TRAPPC10: variants seen among roughly 807,000 people sequenced by gnomAD.
The protein encoded by TRAPPC10 is TRAPP 130 kDa subunit.
In TRAPPC10, 23 loss-of-function variants were observed where a neutral mutation model predicts 125.5. That is an observed-to-expected ratio of 0.18 (90% CI 0.13 to 0.26). TRAPPC10 has a LOEUF of 0.26. Among genes scored for constraint, TRAPPC10 ranks in the 10% least tolerant of loss-of-function variants. The pLI, the probability that TRAPPC10 is intolerant of heterozygous loss-of-function variation, is 1.00. For missense variants in TRAPPC10, 1,123 were observed against 1,308.4 expected, an observed-to-expected ratio of 0.86 and a Z score of 2.19; for synonymous variants, 509 against 518.0, an observed-to-expected ratio of 0.98 and a Z score of 0.24.
At chr21:44,055,640 G>A in intron 4 of TRAPPC10, 58 bp from the exon 5 acceptor site, 2 of 1,345,534 alleles carry the variant, frequency 1.5e-6, no homozygotes, top group Non-Finnish European at 2.0e-6. Flanking sequence ...GGCAGCTGCT[G>A]AGTCGTGGTG....
intron 20 of TRAPPC10, among the ~76,000 whole-genome samples, chr21:44,094,448 G>A (rs1733786237): frequency 1.3e-5 from 2 of 152,118 alleles, no homozygotes; most frequent in African/African-American, 4.8e-5. Flanking sequence ...CCACACTCCT[G>A]GGGGCATCTC....
intron 7 of TRAPPC10, among the ~76,000 whole-genome samples, chr21:44,070,493 C>T (rs182890543): frequency 3.2e-4 from 48 of 152,294 alleles, no homozygotes; most frequent in Non-Finnish European, 3.4e-4. Context: ...GTCTCAGGCT[C>T]TCAGGGCAGA....
intron 15 of TRAPPC10, among the ~76,000 whole-genome samples, chr21:44,086,350 C>G (rs967674426): frequency 6.6e-6 from 1 of 152,234 alleles, no homozygotes; most frequent in African/African-American, 2.4e-5. Context: ...GCTGACTGTT[C>G]TTAACCCAAA....
At chr21:44,060,415 G>A (rs2035948401) in intron 6 of TRAPPC10, among the ~76,000 whole-genome samples, 2 of 151,566 alleles carry the variant, frequency 1.3e-5, no homozygotes, top group Admixed American at 1.3e-4. Flanking sequence ...AGTGGGACTG[G>A]GACTACAGGC....
At chr21:44,022,160 G>A (rs2032580015) in intron 1 of TRAPPC10, among the ~76,000 whole-genome samples, 1 of 151,374 alleles carries the variant, frequency 6.6e-6, no homozygotes, top group Non-Finnish European at 1.5e-5. Context: ...CCAAGCTGGA[G>A]TGCAGTGGCA....
intron 1 of TRAPPC10, among the ~76,000 whole-genome samples, chr21:44,019,349 C>A (rs1601548082): frequency 6.6e-6 from 1 of 152,246 alleles, no homozygotes; most frequent in African/African-American, 2.4e-5. Context: ...TGTGCCCAGA[C>A]AGCTGCAGGG....
intron 1 of TRAPPC10, among the ~76,000 whole-genome samples, chr21:44,030,787 A>T (rs1407044893): frequency 6.6e-6 from 1 of 152,156 alleles, no homozygotes. Flanking sequence ...GATTTCTAAG[A>T]TGACTACCAA....
At position 44,087,090 on chromosome 21, in the gene TRAPPC10, A is replaced by C; in HGVS notation, c.2539+130A>C. On this transcript the variant is annotated intron_variant, in intron 16 of 22. Transcript: ENST00000291574. The surrounding 1 kb of genome is among the most constrained non-coding windows in gnomAD (Gnocchi z 4.6). Reference sequence around the variant, plus strand: ...CAACAGTGTCTGGAGTCCGTGTTCCATAGGAGCCCTGCGGCCTGATGCCTG... The same window carrying C: ...CAACAGTGTCTGGAGTCCGTGTTCCCTAGGAGCCCTGCGGCCTGATGCCTG... The C allele has an allele frequency of 9.4e-7, 1 of 1,066,938 alleles. No homozygotes were observed. Among genetic ancestry groups the C allele is most frequent in the Non-Finnish European group, 1.3e-6 (1 of 748,404 alleles). The allele number at this position is 1,066,938 out of a possible 1,614,324, so 66.1% of individuals were successfully genotyped here.
rs1484885895 is a variant in TRAPPC10 at position 44,082,811 on chromosome 21, C to A, written c.1747C>A (p.His583Asn). 2 of 1,613,944 alleles carry A rather than the reference C, an allele frequency of 1.2e-6. No individual in the cohort carries two copies. Residue 583 changes from histidine (H) to asparagine (N), a missense_variant, in exon 14 of 23, where the codon CAT becomes AAT. Around this residue, in one of 4 missense-constraint regions of TRAPPC10, gnomAD observed 840 missense variants for 902.0 expected, o/e 0.93. Coordinates refer to ENST00000291574, the MANE Select transcript of TRAPPC10 (RefSeq NM_003274.5). The surrounding 1 kb of genome is among the most constrained non-coding windows in gnomAD (Gnocchi z 4.4). ...SPGHKIVLPMHSFAQLRDLHF... is the reference protein window; with the variant it reads ...SPGHKIVLPMNSFAQLRDLHF... The stretch of plus-strand genomic sequence containing the variant: ...AGGTCATAAGATAGTGCTACCCATG[C>A]ATTCCTTTGCACAACTGCGAGATCT...
At chr21:44,019,540 T>A (rs184016082) in intron 1 of TRAPPC10, among the ~76,000 whole-genome samples, 41 of 152,356 alleles carry the variant, frequency 2.7e-4, no homozygotes, top group Admixed American at 1.8e-3. Context: ...GTTTTTAAAT[T>A]AAAAATTGAT....
intron 1 of TRAPPC10, among the ~76,000 whole-genome samples, chr21:44,025,436 A>G (rs1217432693): frequency 6.6e-6 from 1 of 152,236 alleles, no homozygotes; most frequent in Non-Finnish European, 1.5e-5. Context: ...TGCTGTGTTT[A>G]TTTAAAAAAT....
At chr21:44,075,593 C>T (rs2037217529) in intron 9 of TRAPPC10, among the ~76,000 whole-genome samples, 2 of 152,082 alleles carry the variant, frequency 1.3e-5, no homozygotes, top group Non-Finnish European at 2.9e-5. Context: ...TCAAGGGATC[C>T]TCTTGCCTCA....
intron 5 of TRAPPC10, among the ~76,000 whole-genome samples, chr21:44,056,516 T>A (rs1234755846): frequency 6.6e-6 from 1 of 152,194 alleles, no homozygotes; most frequent in East Asian, 1.9e-4. Context: ...ATAAGGCCGC[T>A]TCTGCCCATG....
intron 2 of TRAPPC10, among the ~76,000 whole-genome samples, chr21:44,037,414 T>G (rs2034071668): frequency 6.6e-6 from 1 of 152,240 alleles, no homozygotes; most frequent in Admixed American, 6.5e-5. Flanking sequence ...CTTTCGTAAT[T>G]AAAACTGCAC....
At chr21:44,081,703 A>G (rs2037755842) in intron 13 of TRAPPC10, among the ~76,000 whole-genome samples, 2 of 152,108 alleles carry the variant, frequency 1.3e-5, no homozygotes, top group Non-Finnish European at 1.5e-5. Context: ...CCTGGGCAAC[A>G]TGGCGAAACC....
intron 1 of TRAPPC10, among the ~76,000 whole-genome samples, chr21:44,027,005 G>A (rs894672785): frequency 1.3e-5 from 2 of 152,200 alleles, no homozygotes; most frequent in African/African-American, 4.8e-5. Context: ...TTAGGTGGCC[G>A]AGGACAGTGT....
intron 1 of TRAPPC10, among the ~76,000 whole-genome samples, chr21:44,016,518 C>T (rs1473828726): frequency 6.6e-6 from 1 of 152,114 alleles, no homozygotes. Context: ...TTTCATTTTT[C>T]TGAGTTTCTG....
At chr21:44,095,870 A>G (rs1326301058) in intron 20 of TRAPPC10, among the ~76,000 whole-genome samples, 1 of 151,614 alleles carries the variant, frequency 6.6e-6, no homozygotes, top group Non-Finnish European at 1.5e-5. Context: ...GCCTGGCCCA[A>G]AGTACGGGTT....
chr21:44,094,052 T>C lies in TRAPPC10; in HGVS notation c.2998-11T>C. On this transcript the variant is annotated splice_polypyrimidine_tract_variant and intron_variant, in intron 19 of 22. Coordinates refer to ENST00000291574, the MANE Select transcript of TRAPPC10 (RefSeq NM_003274.5). The stretch of plus-strand genomic sequence containing the variant: ...TGCTGTGTGAGCAGTGACCCCCAAC[T>C]CTCTTTCCAGCCCATCTACAGCAAG... The C allele has an allele frequency of 6.2e-7, 1 of 1,610,784 alleles. No homozygotes were observed. The highest frequency in any genetic ancestry group is 8.5e-7 in the Non-Finnish European group (1 of 1,178,920).
Sources: gnomAD v4.1 joint callset for allele counts (sites outside exome capture counted in the v4.1 genomes callset) on GRCh38, gnomAD v4.1.1 for gene constraint, gnomAD v4.1.1 regional missense constraint, Gnocchi (gnomAD v3.1) non-coding constraint, MANE v1.5 for transcripts, NCBI Gene and HGNC (gene_info 2026-07-23, HGNC 2026-07-21) for gene names.